The following NCBP1 variants were observed in gnomAD, a reference collection of about 807,000 sequenced individuals.
NCBP1 encodes nuclear cap-binding protein subunit 1.
A neutral mutation model predicts 111.7 loss-of-function variants in NCBP1; 16 were observed. The ratio of observed to expected loss-of-function variants is 0.14; its 90% confidence interval spans 0.10 to 0.22. The LOEUF (loss-of-function observed/expected upper bound fraction) is 0.22, where lower values mean the gene tolerates loss of function less well. Ranked by LOEUF, NCBP1 falls within the 10% of genes least tolerant of loss-of-function variation. NCBP1 has a pLI of 1.00. For synonymous variants in NCBP1, 304 were observed against 314.3 expected, an observed-to-expected ratio of 0.97 and a Z score of 0.35; for missense variants, 607 against 957.5, an observed-to-expected ratio of 0.63 and a Z score of 4.83.
At chr9:97,653,119 C>CT (rs57742118) in intron 10 of NCBP1, among the ~76,000 whole-genome samples, 1,998 of 123,540 alleles carry the variant, frequency 0.016, 33 homozygotes, top group African/African-American at 0.02. Context: ...TAAAAGAATT[C>CT]TTTTTTTTTT....
intron 1 of NCBP1, among the ~76,000 whole-genome samples, chr9:97,638,511 G>T (rs942406418): frequency 5.9e-5 from 9 of 152,140 alleles, no homozygotes; most frequent in African/African-American, 1.7e-4. Context: ...GAAGACTGTA[G>T]AGGTGGAATA....
chr9:97,647,625 G>C, intron 7 of NCBP1, 64 bp downstream of exon 7: 1 of 1,333,212 alleles, frequency 7.5e-7, no homozygotes, highest in Non-Finnish European at 1.1e-6. Flanking sequence ...TCTTATCTCT[G>C]TAAGATACTC....
At chr9:97,648,658 T>C (rs1827413669) in intron 8 of NCBP1, among the ~76,000 whole-genome samples, 1 of 152,224 alleles carries the variant, frequency 6.6e-6, no homozygotes. Context: ...GTAAAATGCA[T>C]AGAACAAGAA....
rs1827939326 is a variant in NCBP1 at position 97,664,587 on chromosome 9, A to G, written c.1901+144A>G. On this transcript the variant is annotated intron_variant, in intron 19 of 22. Coordinates refer to ENST00000375147, the MANE Select transcript of NCBP1 (RefSeq NM_002486.5). ...AATCTGGTAGGATTGGACATGGCAAAAATTCCTAGACAGTGGAAACATACA... is the reference window on the plus strand; with the variant it reads ...AATCTGGTAGGATTGGACATGGCAAGAATTCCTAGACAGTGGAAACATACA... The G allele has an allele frequency of 3.6e-6, 2 of 554,830 alleles. 1 individual carries two copies. Among genetic ancestry groups the G allele is most frequent in the East Asian group, 5.8e-5 (2 of 34,516 alleles). 34.4% of individuals were successfully genotyped at this position (554,830 alleles called of 1,614,324 possible). A position where few individuals can be genotyped will look rare whatever the true frequency, so the allele number is the denominator to read the frequency against.
chr9:97,635,125 G>T (rs1302231209), intron 1 of NCBP1, among the ~76,000 whole-genome samples: 2 of 152,188 alleles, frequency 1.3e-5, no homozygotes, highest in Admixed American at 1.3e-4. Context: ...GGTGGAGGCA[G>T]AATCGCATGC....
intron 20 of NCBP1, among the ~76,000 whole-genome samples, chr9:97,667,435 A>G (rs1211251129): frequency 6.6e-6 from 1 of 152,202 alleles, no homozygotes; most frequent in Non-Finnish European, 1.5e-5. Flanking sequence ...AGTTGAGTTT[A>G]GTGCCCTATA....
At chr9:97,637,912 G>C (rs1827094337) in intron 1 of NCBP1, among the ~76,000 whole-genome samples, 1 of 152,194 alleles carries the variant, frequency 6.6e-6, no homozygotes, top group Admixed American at 6.5e-5. Context: ...GATCCTTTCA[G>C]ATGGATTTTA....
At chr9:97,649,276 C>T (rs935611616) in intron 8 of NCBP1, among the ~76,000 whole-genome samples, 24 of 152,096 alleles carry the variant, frequency 1.6e-4, no homozygotes, top group Middle Eastern at 3.4e-3. Context: ...TTATAATTTT[C>T]ATTGTGGGTA....
intron 4 of NCBP1, among the ~76,000 whole-genome samples, chr9:97,643,991 A>T (rs1010615733): frequency 3.9e-5 from 6 of 152,168 alleles, no homozygotes; most frequent in Admixed American, 2.0e-4. Flanking sequence ...CCCATTGTCT[A>T]CAGTGAGTGG....
chr9:97,669,722 C>A lies in NCBP1; in HGVS notation c.2259+16C>A. On this transcript the variant is annotated intron_variant, in intron 22 of 22. Transcript: ENST00000375147. ...CTTCCTACAGGTATGTGGGGAACTT[C>A]GATTAGGTAATAACACTATTCTCAG... The A allele has an allele frequency of 6.8e-7, 1 of 1,474,534 alleles. No individual in the cohort carries two copies. The highest frequency in any genetic ancestry group is 9.5e-7 in the Non-Finnish European group (1 of 1,053,254). The allele number at this position is 1,474,534 out of a possible 1,614,324, so 91.3% of individuals were successfully genotyped here.
At chr9:97,653,496 T>C (rs1046037330) in intron 10 of NCBP1, among the ~76,000 whole-genome samples, 2 of 152,186 alleles carry the variant, frequency 1.3e-5, no homozygotes, top group African/African-American at 4.8e-5. Flanking sequence ...ACATCCTGGC[T>C]CAGCTGTGGT....
intron 14 of NCBP1, among the ~76,000 whole-genome samples, chr9:97,657,077 C>A (rs1398257205): frequency 6.6e-6 from 1 of 152,192 alleles, no homozygotes; most frequent in African/African-American, 2.4e-5. Flanking sequence ...ACGCCATTCT[C>A]CTGCCTCAGC....
chr9:97,668,403 C>T (rs1434832815), intron 20 of NCBP1, among the ~76,000 whole-genome samples: 2 of 152,246 alleles, frequency 1.3e-5, no homozygotes, highest in Admixed American at 6.5e-5. Flanking sequence ...AAACAGCCCA[C>T]TTTGAATTAT....
intron 16 of NCBP1, among the ~76,000 whole-genome samples, chr9:97,661,814 G>C (rs1201663461): frequency 1.3e-5 from 2 of 149,618 alleles, no homozygotes; most frequent in Non-Finnish European, 3.0e-5. Context: ...TCAAGGAATG[G>C]ATGATAGAAT....
chr9:97,661,184 T>C, intron 16 of NCBP1, 116 bp downstream of exon 16: 4 of 1,289,712 alleles, frequency 3.1e-6, no homozygotes, highest in Non-Finnish European at 4.2e-6. Flanking sequence ...GTTTGACCTG[T>C]TCAGACTGTT....
intron 19 of NCBP1, among the ~76,000 whole-genome samples, chr9:97,665,854 C>G (rs755729184): frequency 7.0e-6 from 1 of 142,534 alleles, no homozygotes; most frequent in African/African-American, 2.6e-5. Context: ...TTAGTGATAA[C>G]GTAGTCAATT....
chr9:97,653,074 A>T (rs528163840), intron 10 of NCBP1, among the ~76,000 whole-genome samples: 1 of 151,900 alleles, frequency 6.6e-6, no homozygotes, highest in South Asian at 2.1e-4. Context: ...ACAGTGTGGA[A>T]TGACTTGATT....
chr9:97,653,948 T>G, intron 11 of NCBP1, 40 bp downstream of exon 11: 19 of 1,459,840 alleles, frequency 1.3e-5, no homozygotes, highest in Non-Finnish European at 1.7e-5. Context: ...CTCTTTGGCC[T>G]GGTCTTAAAA....
In NCBP1 at chr9:97,663,736, C is replaced by T. The variant is rs540479865; in HGVS notation, c.1798-604C>T. Among the ~76,000 whole-genome samples the T allele has an allele frequency of 2.6e-5, 4 of 151,904 alleles. No individual in the cohort carries two copies. The East Asian group carries it at 5.9e-4, about 23-fold the overall frequency. ...CTGACCTCAGGTGATCTGCCCACCTCGGCCTCCCAAAGTGTGCTAGATTAC... is the reference window on the plus strand; with the variant it reads ...CTGACCTCAGGTGATCTGCCCACCTTGGCCTCCCAAAGTGTGCTAGATTAC... On this transcript the variant is annotated intron_variant, in intron 18 of 22. Transcript: ENST00000375147.
Sources: allele counts gnomAD v4.1 joint callset (sites outside exome capture counted in the v4.1 genomes callset), GRCh38; gene constraint gnomAD v4.1.1; transcripts MANE v1.5; gene names NCBI Gene and HGNC (gene_info 2026-07-23, HGNC 2026-07-21).